Variants in SHISA6 observed in about 807,000 individuals in gnomAD.
The protein encoded by SHISA6 is shisa family member 6.
A neutral mutation model predicts 47.9 loss-of-function variants in SHISA6; 22 were observed. The observed-to-expected ratio is 0.46, with a 90% confidence interval of 0.33 to 0.66. SHISA6 has a LOEUF of 0.66. Among genes scored for constraint, SHISA6 ranks in the 30% least tolerant of loss-of-function variants. The pLI, the probability that SHISA6 is intolerant of heterozygous loss-of-function variation, is 0.02. For synonymous variants in SHISA6, 388 were observed against 337.8 expected (o/e 1.15, Z -1.63); for missense variants, 680 against 764.6 (o/e 0.89, Z 1.30).
At chr17:11,300,214 A>G (rs759483443) in intron 2 of SHISA6, among the ~76,000 whole-genome samples, 2 of 152,088 alleles carry the variant, frequency 1.3e-5, no homozygotes, top group Non-Finnish European at 2.9e-5. Context: ...TCACAGGTTT[A>G]AGGACTGGGA....
chr17:11,361,405 G>A lies in SHISA6; in HGVS notation c.800-18009G>A, dbSNP rs1278767698. Among the ~76,000 whole-genome samples, 3 of 152,236 alleles carry A rather than the reference G, an allele frequency of 2.0e-5. No individual in the cohort carries two copies. The East Asian group carries it at 5.8e-4, about 29-fold the overall frequency. On this transcript the variant is annotated intron_variant, in intron 2 of 5. Transcript: ENST00000441885. ...TTTAGAAAATTTTTAGGGCATCGTGGAACCTAGGAACTTGATCCACTTTGT... is the reference window on the plus strand; with the variant it reads ...TTTAGAAAATTTTTAGGGCATCGTGAAACCTAGGAACTTGATCCACTTTGT...
intron 3 of SHISA6, among the ~76,000 whole-genome samples, chr17:11,526,952 A>T (rs1236190133): frequency 8.8e-5 from 12 of 136,986 alleles, no homozygotes; most frequent in African/African-American, 1.4e-4. Flanking sequence ...TGATCAAATC[A>T]GGGTATTTAG....
intron 2 of SHISA6, among the ~76,000 whole-genome samples, chr17:11,341,921 G>T (rs1163819692): frequency 6.6e-6 from 1 of 151,898 alleles, no homozygotes; most frequent in Non-Finnish European, 1.5e-5. Context: ...GTTTTCCTCT[G>T]AACAGTGGGA....
intron 2 of SHISA6, among the ~76,000 whole-genome samples, chr17:11,271,649 G>A (rs1486486379): frequency 2.8e-5 from 4 of 142,210 alleles, no homozygotes; most frequent in Non-Finnish European, 6.0e-5. Flanking sequence ...TAGCAGAGAC[G>A]GGGTTTCACC....
chr17:11,540,180 C>T (rs2071821384), intron 3 of SHISA6, among the ~76,000 whole-genome samples: 1 of 152,182 alleles, frequency 6.6e-6, no homozygotes, highest in Non-Finnish European at 1.5e-5. Context: ...GTTAATGAAC[C>T]TATGCTGGAA....
intron 3 of SHISA6, among the ~76,000 whole-genome samples, chr17:11,456,388 C>T (rs893759584): frequency 1.3e-5 from 2 of 152,182 alleles, no homozygotes; most frequent in South Asian, 2.1e-4. Context: ...TGCCGACAGT[C>T]ACCTGGTTCC....
intron 3 of SHISA6, among the ~76,000 whole-genome samples, chr17:11,398,498 G>A (rs1913651363): frequency 6.6e-6 from 1 of 152,022 alleles, no homozygotes; most frequent in African/African-American, 2.4e-5. Context: ...TGAGTTGCAT[G>A]TAATCAATAC....
Position 11,315,613 on chromosome 17 carries a change from T to A in SHISA6, c.799+52087T>A, listed in dbSNP as rs894170215. Among the ~76,000 whole-genome samples the A allele has an allele frequency of 5.3e-5, 8 of 152,312 alleles. No individual in the cohort carries two copies. The South Asian group carries it at 6.2e-4, about 12-fold the overall frequency. On this transcript the variant is annotated intron_variant, in intron 2 of 5. Transcript: ENST00000441885. ...TATTGACATTTAAAAAAGATTTTTT[T>A]AAAAAATAACTTTTTCTGCACTTCG...
At chr17:11,419,102 A>G (rs775214493) in intron 3 of SHISA6, among the ~76,000 whole-genome samples, 8 of 152,144 alleles carry the variant, frequency 5.3e-5, no homozygotes, top group Non-Finnish European at 1.0e-4. Context: ...ATTAGGAGAT[A>G]TACCTAATGC....
chr17:11,437,600 G>A (rs1914975129), intron 3 of SHISA6, among the ~76,000 whole-genome samples: 1 of 152,174 alleles, frequency 6.6e-6, no homozygotes, highest in Non-Finnish European at 1.5e-5. Flanking sequence ...GGAACAGTAA[G>A]TAGGGCTCTT....
intron 2 of SHISA6, among the ~76,000 whole-genome samples, chr17:11,274,787 A>G (rs1038798792): frequency 2.0e-5 from 3 of 152,198 alleles, no homozygotes; most frequent in African/African-American, 7.2e-5. Flanking sequence ...CAATACAAGA[A>G]AATAATTGAC....
At chr17:11,472,532 A>G (rs1588725) in intron 3 of SHISA6, among the ~76,000 whole-genome samples, 107,740 of 152,034 alleles carry the variant, frequency 0.71, 38,947 homozygotes, top group African/African-American at 0.85. Flanking sequence ...ATAATATTCC[A>G]TTGTCTGGAT....
chr17:11,319,529 A>T (rs1413402750), intron 2 of SHISA6, among the ~76,000 whole-genome samples: 1 of 152,200 alleles, frequency 6.6e-6, no homozygotes, highest in Non-Finnish European at 1.5e-5. Flanking sequence ...TCGCTCTGAT[A>T]CATCTTTTTC....
chr17:11,442,977 G>A (rs1915131411), intron 3 of SHISA6, among the ~76,000 whole-genome samples: 3 of 152,190 alleles, frequency 2.0e-5, no homozygotes, highest in Admixed American at 6.5e-5. Context: ...GTCCATCCTG[G>A]TAGTTCTTAG....
At chr17:11,462,298 C>T (rs12603788) in intron 3 of SHISA6, among the ~76,000 whole-genome samples, 10,619 of 152,186 alleles carry the variant, frequency 0.07, 370 homozygotes, top group East Asian at 0.11. Context: ...AGGCTAAGGA[C>T]TCCATCAGCA....
At chr17:11,412,573 A>G (rs1053137893) in intron 3 of SHISA6, among the ~76,000 whole-genome samples, 12 of 150,542 alleles carry the variant, frequency 8.0e-5, no homozygotes, top group South Asian at 6.3e-4. Flanking sequence ...ACAGAGTCTC[A>G]CTCTGTCGCT....
chr17:11,259,844 A>G (rs1908157848), intron 1 of SHISA6, among the ~76,000 whole-genome samples: 1 of 152,234 alleles, frequency 6.6e-6, no homozygotes, highest in African/African-American at 2.4e-5. Context: ...AAATGTATGT[A>G]AGAGGCAGTC....
At chr17:11,413,657 G>A (rs990968745) in intron 3 of SHISA6, among the ~76,000 whole-genome samples, 10 of 152,082 alleles carry the variant, frequency 6.6e-5, no homozygotes, top group Non-Finnish European at 4.4e-5. Context: ...CCAGGACCAC[G>A]TGCCTCTCAT....
At chr17:11,435,083 A>G (rs576771206) in intron 3 of SHISA6, among the ~76,000 whole-genome samples, 1 of 152,106 alleles carries the variant, frequency 6.6e-6, no homozygotes, top group African/African-American at 2.4e-5. Context: ...GTCTTAAAAA[A>G]AGAGGCTTGA....
Sources: allele counts gnomAD v4.1 joint callset (sites outside exome capture counted in the v4.1 genomes callset), GRCh38; gene constraint gnomAD v4.1.1; transcripts MANE v1.5; gene names NCBI Gene and HGNC (gene_info 2026-07-23, HGNC 2026-07-21).